Variants in GRM5 observed in about 807,000 individuals in gnomAD.
GRM5 encodes the protein glutamate metabotropic receptor 5, also known as metabotropic glutamate receptor 5.
GRM5 carries 19 observed loss-of-function variants against 83.1 expected under a neutral mutation model. That is an observed-to-expected ratio of 0.23 (90% CI 0.16 to 0.34). The LOEUF (loss-of-function observed/expected upper bound fraction) is 0.34, where lower values mean the gene tolerates loss of function less well. Ranked by LOEUF, GRM5 falls within the 10% of genes least tolerant of loss-of-function variation. The pLI is 1.00. For synonymous variants in GRM5, 675 were observed against 633.6 expected (o/e 1.07, Z -0.98); for missense variants, 1,160 against 1,588.3 (o/e 0.73, Z 4.58).
chr11:88,687,550 A>ATATTATATATATATTATATAT (rs1225637191), intron 3 of GRM5, among the ~76,000 whole-genome samples: 3 of 8,164 alleles, frequency 3.7e-4, no homozygotes, highest in African/African-American at 9.2e-4. Flanking sequence ...ACACACACAC[A>ATATTATATATATATTATATAT]CACATATATA....
intron 7 of GRM5, among the ~76,000 whole-genome samples, chr11:88,568,588 A>G (rs1942920123): frequency 6.6e-6 from 1 of 152,168 alleles, no homozygotes. Flanking sequence ...GGATCTTTGT[A>G]GAGCAATGAC....
chr11:88,915,757 A>G (rs1945579490), intron 2 of GRM5, among the ~76,000 whole-genome samples: 1 of 152,122 alleles, frequency 6.6e-6, no homozygotes, highest in Non-Finnish European at 1.5e-5. Context: ...GAGGATCTTC[A>G]AAGCACCACT....
intron 3 of GRM5, among the ~76,000 whole-genome samples, chr11:88,668,040 G>A (rs557026679): frequency 6.6e-6 from 1 of 152,002 alleles, no homozygotes; most frequent in East Asian, 1.9e-4. Context: ...TTGTAAAAGG[G>A]CAGCCAAAAA....
chr11:88,575,184 A>C (rs11020494), intron 7 of GRM5, among the ~76,000 whole-genome samples: 1 of 152,098 alleles, frequency 6.6e-6, no homozygotes, highest in African/African-American at 2.4e-5. Flanking sequence ...CTCAACAGGA[A>C]GCTGCCATAT....
intron 4 of GRM5, among the ~76,000 whole-genome samples, chr11:88,639,947 C>G (rs913129060): frequency 6.6e-6 from 1 of 152,158 alleles, no homozygotes; most frequent in African/African-American, 2.4e-5. Flanking sequence ...ACTGCCTGCA[C>G]TAAACACTTA....
chr11:88,711,330 G>A (rs530359213), intron 3 of GRM5, among the ~76,000 whole-genome samples: 3 of 152,182 alleles, frequency 2.0e-5, no homozygotes, highest in East Asian at 1.9e-4. Context: ...CGCAGCCAAA[G>A]GCAAAAGAGC....
At chr11:88,873,783 C>A (rs183193098) in intron 2 of GRM5, among the ~76,000 whole-genome samples, 110 of 151,506 alleles carry the variant, frequency 7.3e-4, no homozygotes, top group Middle Eastern at 3.4e-3. Flanking sequence ...AAGAAATAAG[C>A]AAAAGTTGCA....
intron 2 of GRM5, among the ~76,000 whole-genome samples, chr11:88,913,988 T>C (rs1272550614): frequency 6.6e-6 from 1 of 152,248 alleles, no homozygotes; most frequent in East Asian, 1.9e-4. Flanking sequence ...TTAATCCTGA[T>C]CACATACCAT....
chr11:88,768,825 T>C (rs1565221909), intron 3 of GRM5, among the ~76,000 whole-genome samples: 1 of 151,872 alleles, frequency 6.6e-6, no homozygotes, highest in Non-Finnish European at 1.5e-5. Context: ...CTCTGGAAGC[T>C]GAAAAAGGCA....
chr11:88,846,348 A>C (rs1407307548), intron 3 of GRM5, among the ~76,000 whole-genome samples: 1 of 152,256 alleles, frequency 6.6e-6, no homozygotes, highest in South Asian at 2.1e-4. Context: ...TATTGATCTC[A>C]GCCTGCTGTC....
chr11:89,047,947 A>T lies in GRM5; in HGVS notation c.-75T>A. 9.2e-7 allele frequency: 1 copy of T among 1,084,836 alleles called. No individual in the cohort carries two copies. The highest frequency in any genetic ancestry group is 1.4e-6 in the Non-Finnish European group (1 of 723,604). 67.2% of individuals were successfully genotyped at this position (1,084,836 alleles called of 1,614,324 possible). On this transcript the variant is annotated 5_prime_UTR_variant, in exon 2 of 10. It adds an upstream start codon to the 5' untranslated region. Transcript: ENST00000305447. The surrounding 1 kb of genome is among the most constrained non-coding windows in gnomAD (Gnocchi z 5.1). ...AGGAGGGTTCTGATAGCTACGAACA[A>T]GCGATGTCCTACGTTGAGTCGCAAA... is the stretch of plus-strand genomic sequence containing the variant.
intron 2 of GRM5, among the ~76,000 whole-genome samples, chr11:88,897,328 G>C (rs1945242795): frequency 1.3e-5 from 2 of 151,896 alleles, no homozygotes; most frequent in South Asian, 4.1e-4. Flanking sequence ...CTAGAAGTCA[G>C]AATTTATAAA....
chr11:88,512,838 A>G (rs1941415596), intron 9 of GRM5, among the ~76,000 whole-genome samples: 1 of 152,218 alleles, frequency 6.6e-6, no homozygotes, highest in Non-Finnish European at 1.5e-5. Context: ...TAAAAAGTAT[A>G]CTCAATGCCA....
chr11:88,927,480 TAA>T, intron 2 of GRM5, among the ~76,000 whole-genome samples: 1 of 152,176 alleles, frequency 6.6e-6, no homozygotes, highest in East Asian at 1.9e-4. Flanking sequence ...GAGTACATGT[TAA>T]AGGCCTAAAT....
chr11:88,859,735 CT>C (rs1944530932), intron 2 of GRM5, among the ~76,000 whole-genome samples: 1 of 152,102 alleles, frequency 6.6e-6, no homozygotes, highest in African/African-American at 2.4e-5. Flanking sequence ...TTCCAAAGGC[CT>C]GCTACTAAAT....
intron 4 of GRM5, among the ~76,000 whole-genome samples, chr11:88,628,435 C>A (rs1016305157): frequency 2.0e-5 from 3 of 152,198 alleles, no homozygotes; most frequent in African/African-American, 7.2e-5. Context: ...ATCAATACTT[C>A]ATTGGAAAGA....
intron 2 of GRM5, among the ~76,000 whole-genome samples, chr11:88,992,441 T>C (rs1027866627): frequency 7.2e-5 from 11 of 152,116 alleles, no homozygotes; most frequent in Non-Finnish European, 1.3e-4. Flanking sequence ...AGTTCAACCA[T>C]TGTGGAAGTC....
chr11:88,598,888 C>A (rs1937895612), intron 5 of GRM5, among the ~76,000 whole-genome samples: 1 of 152,152 alleles, frequency 6.6e-6, no homozygotes, highest in Admixed American at 6.6e-5. Context: ...ATTCTTAAGT[C>A]TGAAAAGTTT....
chr11:89,016,202 G>T (rs959172169), intron 2 of GRM5, among the ~76,000 whole-genome samples: 1 of 149,144 alleles, frequency 6.7e-6, no homozygotes. Context: ...TATATGTTAT[G>T]TATTATACAT....
Sources: gnomAD v4.1 joint callset for allele counts (sites outside exome capture counted in the v4.1 genomes callset) on GRCh38, gnomAD v4.1.1 for gene constraint, Gnocchi (gnomAD v3.1) non-coding constraint, MANE v1.5 for transcripts, NCBI Gene and HGNC (gene_info 2026-07-23, HGNC 2026-07-21) for gene names.